Variants in TRAP1 observed in about 807,000 individuals in gnomAD.
The protein encoded by TRAP1 is TNF receptor associated protein 1, also known as heat shock protein 75 kDa, mitochondrial.
A neutral mutation model predicts 89.1 loss-of-function variants in TRAP1; 102 were observed. The observed-to-expected ratio is 1.15, with a 90% CI of 0.98 to 1.35. The LOEUF is 1.35. Ranked by LOEUF, TRAP1 falls within the 40% of genes most tolerant of loss-of-function variation. The pLI is 0.00. For synonymous variants in TRAP1, 508 were observed against 388.0 expected (o/e 1.31, Z -3.64); for missense variants, 1,256 against 945.3 (o/e 1.33, Z -4.31).
Position 3,690,991 on chromosome 16 carries a change from A to G in TRAP1, c.89-6T>C, listed in dbSNP as rs1261561123. Reference sequence around the variant, plus strand: ...AGGACACAGAATTGGTTTTCCTGAAAAGACAAATATGCAGAAAGAATGAGA... The same window carrying G: ...AGGACACAGAATTGGTTTTCCTGAAGAGACAAATATGCAGAAAGAATGAGA... On this transcript the variant is annotated splice_polypyrimidine_tract_variant and splice_region_variant and intron_variant, in intron 1 of 17. Coordinates refer to ENST00000246957, the MANE Select transcript of TRAP1 (RefSeq NM_016292.3). The G allele has an allele frequency of 1.3e-6, 2 of 1,484,068 alleles. No homozygotes were observed. Among genetic ancestry groups the G allele is most frequent in the Non-Finnish European group, 1.8e-6 (2 of 1,112,726 alleles). 91.9% of individuals were successfully genotyped at this position (1,484,068 alleles called of 1,614,324 possible).
chr16:3,698,184 G>T (rs979765306), intron 1 of TRAP1, among the ~76,000 whole-genome samples: 8 of 151,452 alleles, frequency 5.3e-5, no homozygotes, highest in African/African-American at 1.9e-4. Flanking sequence ...TTGGGAAAAA[G>T]AAAAAAATAA....
intron 1 of TRAP1, among the ~76,000 whole-genome samples, chr16:3,700,544 G>C (rs931922374): frequency 1.3e-5 from 2 of 151,914 alleles, no homozygotes; most frequent in Admixed American, 6.6e-5. Context: ...TCGGCTCACT[G>C]CAAACTCCGC....
chr16:3,685,356 G>A (rs956479084), intron 4 of TRAP1, among the ~76,000 whole-genome samples: 1 of 152,134 alleles, frequency 6.6e-6, no homozygotes, highest in Non-Finnish European at 1.5e-5. Context: ...CCCTTCACAA[G>A]TCCATTCATT....
Position 3,679,706 on chromosome 16 carries a change from G to A in TRAP1, c.543+13C>T. ...AGGGGAAGGGGGAGGCTGTGTGGGG[G>A]CCCCACGCTTACCTTTGACCCCGAT... On this transcript the variant is annotated intron_variant, in intron 5 of 17. Coordinates refer to ENST00000246957, the MANE Select transcript of TRAP1 (RefSeq NM_016292.3). 1 of 1,613,898 alleles carries A rather than the reference G, an allele frequency of 6.2e-7. No homozygotes were observed. The highest frequency in any genetic ancestry group is 8.5e-7 in the Non-Finnish European group (1 of 1,179,902).
chr16:3,686,240 T>C (rs929105705), intron 3 of TRAP1, 104 bp from the exon 4 acceptor site: 23 of 1,325,962 alleles, frequency 1.7e-5, no homozygotes, highest in Non-Finnish European at 2.3e-5. Flanking sequence ...TAGAGGAGAA[T>C]AGTCAATTCT....
At position 3,663,834 on chromosome 16, in the gene TRAP1, G is replaced by C. The variant is rs534718441; in HGVS notation, c.1570-272C>G. ...CACGCCTGTAATCCCAGCACTTTGG[G>C]AGGCCAAAGCAGGCAGATCATGAGG... On this transcript the variant is annotated intron_variant, in intron 13 of 17. Coordinates refer to ENST00000246957, the MANE Select transcript of TRAP1 (RefSeq NM_016292.3). 19 of 453,408 alleles carry C rather than the reference G, an allele frequency of 4.2e-5. 1 individual carries two copies. The South Asian group carries it at 5.3e-4, about 13-fold the overall frequency. 28.1% of individuals were successfully genotyped at this position (453,408 alleles called of 1,614,324 possible).
At chr16:3,710,865 A>G in intron 1 of TRAP1, among the ~76,000 whole-genome samples, 1 of 112,676 alleles carries the variant, frequency 8.9e-6, no homozygotes, top group Non-Finnish European at 1.7e-5. Flanking sequence ...GTGTATATAT[A>G]TATATATATA....
intron 4 of TRAP1, among the ~76,000 whole-genome samples, chr16:3,681,644 G>A (rs1026092640): frequency 2.0e-5 from 3 of 152,082 alleles, no homozygotes; most frequent in Non-Finnish European, 4.4e-5. Flanking sequence ...TTAGTATCTA[G>A]TTGATATCAG....
At position 3,692,381 on chromosome 16, in the gene TRAP1, C is replaced by G. The variant is rs546767576; in HGVS notation, c.89-1396G>C. ...AGAAACCCCATCTGTACTAAAAATACAAAAGTTAGCCGGGCATGGTGGCAG... is the reference window on the plus strand; with the variant it reads ...AGAAACCCCATCTGTACTAAAAATAGAAAAGTTAGCCGGGCATGGTGGCAG... On this transcript the variant is annotated intron_variant, in intron 1 of 17. Transcript: ENST00000246957. Among the ~76,000 whole-genome samples, 41 of 151,820 alleles carry G rather than the reference C, an allele frequency of 2.7e-4. 1 individual carries two copies. The highest frequency in any genetic ancestry group is 8.2e-4 in the African/African-American group (34 of 41,430).
intron 1 of TRAP1, among the ~76,000 whole-genome samples, chr16:3,710,606 T>A (rs747935366): frequency 6.6e-6 from 1 of 152,154 alleles, no homozygotes; most frequent in African/African-American, 2.4e-5. Context: ...AAAGTCAGCC[T>A]CGTGGAAAAT....
In TRAP1 at chr16:3,717,475, C is replaced by A. The variant is rs1437649770; in HGVS notation, c.34G>T (p.Gly12Cys). The A allele has an allele frequency of 5.3e-6, 7 of 1,325,138 alleles. No homozygotes were observed. The Admixed American group carries it at 1.5e-4, about 28-fold the overall frequency. The allele number at this position is 1,325,138 out of a possible 1,614,324, so 82.1% of individuals were successfully genotyped here. ...ARELRALLLW[G>C]RRLRPLLRAP... ...CGCAGCAAAGGCCGCAGGCGGCGGC[C>A]CCACAGCAGCAGCGCCCGCAGCTCG... Residue 12 changes from glycine (G) to cysteine (C), a missense_variant, in exon 1 of 18, where the codon GGC becomes TGC. Transcript: ENST00000246957.
At chr16:3,662,299 C>T in intron 15 of TRAP1, 167 bp from the exon 16 acceptor site, 1 of 813,046 alleles carries the variant, frequency 1.2e-6, no homozygotes, top group South Asian at 1.9e-5. Context: ...AACTTGTGGG[C>T]CCTGAGCTGA....
intron 1 of TRAP1, among the ~76,000 whole-genome samples, chr16:3,711,367 G>A (rs1244971267): frequency 2.0e-5 from 3 of 151,960 alleles, no homozygotes; most frequent in South Asian, 2.1e-4. Context: ...TTGGGAGGCC[G>A]AGGCAGGCAG....
At chr16:3,700,165 C>CT (rs2051346170) in intron 1 of TRAP1, among the ~76,000 whole-genome samples, 1 of 151,934 alleles carries the variant, frequency 6.6e-6, no homozygotes, top group Non-Finnish European at 1.5e-5. Context: ...AAAAGCTACT[C>CT]TTTACAAACT....
In TRAP1 at chr16:3,660,026, C is replaced by G. The variant is rs545698707; in HGVS notation, c.1941-1161G>C. Reference sequence around the variant, plus strand: ...ACAGGCGTGAGGCACCGCACCCAACCTAACAGAGGAAACACTTCAAATGCA... The same window carrying G: ...ACAGGCGTGAGGCACCGCACCCAACGTAACAGAGGAAACACTTCAAATGCA... On this transcript the variant is annotated intron_variant, in intron 16 of 17. Transcript: ENST00000246957. The G allele has an allele frequency of 2.0e-4, 30 of 152,332 alleles. 1 individual carries two copies. The highest frequency in any genetic ancestry group is 6.7e-4 in the African/African-American group (28 of 41,564). The allele number at this position is 152,332 out of a possible 1,614,324, so 9.4% of individuals were successfully genotyped here. A position where few individuals can be genotyped will look rare whatever the true frequency, so the allele number is the denominator to read the frequency against.
chr16:3,691,134 G>A, intron 1 of TRAP1, 149 bp from the exon 2 acceptor site: 1 of 649,512 alleles, frequency 1.5e-6, no homozygotes, highest in East Asian at 3.4e-5. Flanking sequence ...AGGACCAAAT[G>A]CCACAGTGTC....
At chr16:3,670,757 C>A (rs1290626790) in intron 11 of TRAP1, among the ~76,000 whole-genome samples, 1 of 152,182 alleles carries the variant, frequency 6.6e-6, no homozygotes, top group African/African-American at 2.4e-5. Context: ...AAAAAATCTC[C>A]ATGGCTTTCT....
At chr16:3,662,225 G>T in intron 15 of TRAP1, 93 bp from the exon 16 acceptor site, 1 of 1,480,240 alleles carries the variant, frequency 6.8e-7, no homozygotes. Flanking sequence ...CCCAGACCAC[G>T]AGGTAGCAGG....
intron 1 of TRAP1, among the ~76,000 whole-genome samples, chr16:3,706,480 A>C (rs1428910008): frequency 1.5e-5 from 1 of 67,734 alleles, no homozygotes; most frequent in Non-Finnish European, 2.8e-5. Context: ...TTTTTTTTTG[A>C]GATAGGTTCT....
Sources: gnomAD v4.1 joint callset for allele counts (sites outside exome capture counted in the v4.1 genomes callset) on GRCh38, gnomAD v4.1.1 for gene constraint, MANE v1.5 for transcripts, NCBI Gene and HGNC (gene_info 2026-07-23, HGNC 2026-07-21) for gene names.